The following UBE3C variants were observed in gnomAD, a reference collection of about 807,000 sequenced individuals.
UBE3C encodes ubiquitin protein ligase E3C, also known as ubiquitin-protein ligase E3C.
A neutral mutation model predicts 129.4 loss-of-function variants in UBE3C; 42 were observed. The ratio of observed to expected loss-of-function variants is 0.32; its 90% CI spans 0.25 to 0.42. The LOEUF (loss-of-function observed/expected upper bound fraction) is 0.42. Among genes scored for constraint, UBE3C ranks in the 10% least tolerant of loss-of-function variants. The probability of loss-of-function intolerance (pLI) is 1.00; values close to 1 mark genes in which losing one functional copy is unlikely to be tolerated. For missense variants in UBE3C, 1,049 were observed against 1,319.1 expected, an observed-to-expected ratio of 0.80 and a Z score of 3.17; for synonymous variants, 510 against 492.4, an observed-to-expected ratio of 1.04 and a Z score of -0.47.
chr7:157,214,300 A>G (rs575970648), intron 13 of UBE3C, among the ~76,000 whole-genome samples: 1 of 152,228 alleles, frequency 6.6e-6, no homozygotes, highest in Non-Finnish European at 1.5e-5. Flanking sequence ...TAATTGTCTC[A>G]TATAATTTGA....
rs1797164057 is a variant in UBE3C at position 157,269,368 on chromosome 7, C to T, written c.*1613C>T. On this transcript the variant is annotated 3_prime_UTR_variant, in exon 23 of 23. Coordinates refer to ENST00000348165, the MANE Select transcript of UBE3C (RefSeq NM_014671.3). ...CATTTACATTAAATGTTTTTTTTCC[C>T]AAGATTGTGTTGGAGTCCTACCCCA... 2.0e-5 allele frequency: 3 copies of T among 151,790 alleles called. No individual in the cohort carries two copies. Among genetic ancestry groups the T allele is most frequent in the South Asian group, 4.1e-4 (2 of 4,822 alleles). 9.4% of individuals were successfully genotyped at this position (151,790 alleles called of 1,614,324 possible).
intron 6 of UBE3C, among the ~76,000 whole-genome samples, chr7:157,181,117 C>A (rs747874893): frequency 6.6e-6 from 1 of 152,182 alleles, no homozygotes; most frequent in Non-Finnish European, 1.5e-5. Context: ...CTGATGCAAG[C>A]AAACTAGTTA....
chr7:157,218,765 C>G (rs1313184956), intron 14 of UBE3C, among the ~76,000 whole-genome samples: 2 of 152,096 alleles, frequency 1.3e-5, no homozygotes, highest in Non-Finnish European at 2.9e-5. Flanking sequence ...GAAGCTATTG[C>G]AGGGTGGCTG....
At chr7:157,170,172 C>CAAGG in intron 3 of UBE3C, 132 bp from the exon 4 acceptor site, 1 of 736,348 alleles carries the variant, frequency 1.4e-6, no homozygotes, top group Non-Finnish European at 1.9e-6. Flanking sequence ...CAACTGTGAG[C>CAAGG]AAGGACCGAT....
chr7:157,251,753 C>CT (rs929958438), intron 19 of UBE3C, among the ~76,000 whole-genome samples: 1 of 152,188 alleles, frequency 6.6e-6, no homozygotes, highest in African/African-American at 2.4e-5. Context: ...AAATTTAGCA[C>CT]TTATGTGACA....
chr7:157,150,194 G>A (rs752864401), intron 1 of UBE3C, among the ~76,000 whole-genome samples: 10 of 152,136 alleles, frequency 6.6e-5, no homozygotes, highest in Middle Eastern at 6.8e-3. Context: ...CCTGGCCAAC[G>A]TGGTGAAACC....
intron 15 of UBE3C, chr7:157,222,884 GA>G: frequency 4.6e-6 from 1 of 217,786 alleles, no homozygotes; most frequent in South Asian, 7.5e-5. Flanking sequence ...TAGTAGGAGG[GA>G]AAGGGCACGA....
At chr7:157,255,057 T>G (rs1796716646) in intron 21 of UBE3C, among the ~76,000 whole-genome samples, 1 of 151,724 alleles carries the variant, frequency 6.6e-6, no homozygotes, top group Non-Finnish European at 1.5e-5. Flanking sequence ...GGTCGTGAGA[T>G]CTCAGTGAGC....
chr7:157,223,368 C>T lies in UBE3C; in HGVS notation c.2100+17C>T. 6.2e-7 allele frequency: 1 copy of T among 1,600,236 alleles called. No homozygotes were observed. Among genetic ancestry groups the T allele is most frequent in the African/African-American group, 1.3e-5 (1 of 74,330 alleles). ...CGAGTAAAGGTATGCAATTTGGCTT[C>T]TTTATTGTCACTACGTATCATATTA... On this transcript the variant is annotated intron_variant, in intron 16 of 22. Coordinates refer to ENST00000348165, the MANE Select transcript of UBE3C (RefSeq NM_014671.3).
intron 14 of UBE3C, among the ~76,000 whole-genome samples, chr7:157,218,752 G>A (rs1290207230): frequency 6.6e-6 from 1 of 152,134 alleles, no homozygotes; most frequent in Non-Finnish European, 1.5e-5. Context: ...GCTGGAGAGC[G>A]AGGAAGCTAT....
intron 10 of UBE3C, among the ~76,000 whole-genome samples, chr7:157,191,343 G>T (rs1028782956): frequency 6.6e-6 from 1 of 152,230 alleles, no homozygotes; most frequent in African/African-American, 2.4e-5. Flanking sequence ...CCAGGCTGGA[G>T]TGCCGTGGCG....
intron 13 of UBE3C, 79 bp downstream of exon 13, chr7:157,208,014 A>G: frequency 1.1e-6 from 1 of 875,970 alleles, no homozygotes; most frequent in Non-Finnish European, 1.5e-6. Context: ...GCAGAGGAAT[A>G]AAAATGCAGG....
At chr7:157,217,628 A>G (rs1277824844) in intron 14 of UBE3C, among the ~76,000 whole-genome samples, 2 of 151,906 alleles carry the variant, frequency 1.3e-5, no homozygotes, top group African/African-American at 4.8e-5. Flanking sequence ...TAAAGCCAGG[A>G]GTTTGAGACC....
rs1186843406 is a variant in UBE3C at position 157,193,971 on chromosome 7, TGTA to T, written c.1331+6951_1331+6953del. On this transcript the variant is annotated intron_variant, in intron 10 of 22. Coordinates refer to ENST00000348165, the MANE Select transcript of UBE3C (RefSeq NM_014671.3). ...TATTTACAAAAATGGCAGTTGTTTT[TGTA>T]TGTGCATCTATAGGCACTGAACTGA... Among the ~76,000 whole-genome samples, 10 of 152,376 alleles carry T rather than the reference TGTA, an allele frequency of 6.6e-5. No individual in the cohort carries two copies. In the South Asian group the frequency reaches 2.1e-3, roughly 32 times the overall value.
At chr7:157,199,172 A>AT (rs1214606461) in intron 10 of UBE3C, among the ~76,000 whole-genome samples, 2 of 152,238 alleles carry the variant, frequency 1.3e-5, no homozygotes, top group South Asian at 2.1e-4. Flanking sequence ...TTTTAATAAC[A>AT]TTTTTTAAAA....
chr7:157,262,543 C>T (rs1256019809), intron 22 of UBE3C, among the ~76,000 whole-genome samples: 2 of 150,848 alleles, frequency 1.3e-5, no homozygotes, highest in Non-Finnish European at 2.9e-5. Flanking sequence ...CGCAGCCTCC[C>T]GAGTAGGTGG....
intron 10 of UBE3C, chr7:157,198,136 T>G: frequency 6.2e-7 from 1 of 1,612,934 alleles, no homozygotes. Context: ...TCATCTAAAC[T>G]GAAACCATTG....
intron 17 of UBE3C, among the ~76,000 whole-genome samples, chr7:157,228,343 G>A (rs1046927897): frequency 6.6e-6 from 1 of 152,208 alleles, no homozygotes; most frequent in African/African-American, 2.4e-5. Flanking sequence ...AATATTGGGA[G>A]AAACCGTCAC....
At chr7:157,151,974 A>G (rs1310420253) in intron 1 of UBE3C, among the ~76,000 whole-genome samples, 2 of 152,160 alleles carry the variant, frequency 1.3e-5, no homozygotes, top group African/African-American at 4.8e-5. Flanking sequence ...CCATGTGTGT[A>G]TCCTATTTCC....
Sources: allele counts gnomAD v4.1 joint callset (sites outside exome capture counted in the v4.1 genomes callset), GRCh38; gene constraint gnomAD v4.1.1; transcripts MANE v1.5; gene names NCBI Gene and HGNC (gene_info 2026-07-23, HGNC 2026-07-21).